Variants in AP2B1 observed in about 807,000 individuals in gnomAD.
AP2B1 encodes the protein AP-2 complex subunit beta.
A neutral mutation model predicts 102.0 loss-of-function variants in AP2B1; 23 were observed. The ratio of observed to expected loss-of-function variants is 0.23; its 90% CI spans 0.16 to 0.32. The LOEUF is 0.32. Ranked by LOEUF, AP2B1 falls within the 10% of genes least tolerant of loss-of-function variation. The pLI is 1.00. For synonymous variants in AP2B1, 381 were observed against 421.2 expected, an observed-to-expected ratio of 0.90 and a Z score of 1.17; for missense variants, 541 against 1,157.4, an observed-to-expected ratio of 0.47 and a Z score of 7.73.
At chr17:35,590,682 A>G (rs920075886) in intron 1 of AP2B1, among the ~76,000 whole-genome samples, 14 of 152,192 alleles carry the variant, frequency 9.2e-5, no homozygotes, top group African/African-American at 2.9e-4. Flanking sequence ...TTCTAAAGAT[A>G]CTTGACCCTC....
chr17:35,686,685 C>G (rs941241479), intron 18 of AP2B1, among the ~76,000 whole-genome samples: 7 of 152,180 alleles, frequency 4.6e-5, no homozygotes, highest in African/African-American at 1.4e-4. Context: ...GAAAAACTGG[C>G]CGGGCATGGT....
At chr17:35,637,047 G>C (rs554804026) in intron 10 of AP2B1, among the ~76,000 whole-genome samples, 4 of 152,302 alleles carry the variant, frequency 2.6e-5, no homozygotes, top group African/African-American at 9.6e-5. Context: ...AAGTTTTTCA[G>C]ATTGAGGGCC....
At chr17:35,644,264 A>T (rs2074863116) in intron 12 of AP2B1, among the ~76,000 whole-genome samples, 1 of 152,148 alleles carries the variant, frequency 6.6e-6, no homozygotes, top group Non-Finnish European at 1.5e-5. Flanking sequence ...CTTGGAGAAT[A>T]CCTATTCCCT....
At chr17:35,638,536 C>T (rs184014209) in intron 10 of AP2B1, among the ~76,000 whole-genome samples, 1 of 152,220 alleles carries the variant, frequency 6.6e-6, no homozygotes, top group African/African-American at 2.4e-5. Context: ...CGCCTGTAAT[C>T]CCAGCACTTT....
chr17:35,712,273 G>A (rs1247824093), intron 20 of AP2B1, among the ~76,000 whole-genome samples: 1 of 152,166 alleles, frequency 6.6e-6, no homozygotes, highest in South Asian at 2.1e-4. Context: ...TCACCTTTGT[G>A]GGAGTTGGTT....
chr17:35,660,582 A>G (rs1021555809), intron 14 of AP2B1, among the ~76,000 whole-genome samples: 1 of 149,050 alleles, frequency 6.7e-6, no homozygotes, highest in Non-Finnish European at 1.5e-5. Flanking sequence ...TCCCAGGTTC[A>G]AGCGATTCTC....
chr17:35,605,630 C>CTA, intron 3 of AP2B1, 75 bp from the exon 4 acceptor site: 3 of 984,024 alleles, frequency 3.0e-6, no homozygotes, highest in Non-Finnish European at 4.7e-6. Flanking sequence ...TTAGTTAAGG[C>CTA]TATTCATGTT....
intron 13 of AP2B1, 84 bp from the exon 14 acceptor site, chr17:35,657,515 A>T: frequency 9.1e-7 from 1 of 1,098,738 alleles, no homozygotes; most frequent in Non-Finnish European, 1.3e-6. Flanking sequence ...ATATATAGCT[A>T]TATGTTTCAC....
rs377438224 is a variant in AP2B1 at position 35,627,663 on chromosome 17, G to A, written c.1092G>A (p.Glu364=). ...VLAELKEYAT[E]VDVDFVRKAV... ...CAGAACTGAAAGAATATGCTACAGA[G>A]GTGGATGTTGACTTTGTTCGAAAAG... is the stretch of plus-strand genomic sequence containing the variant. Residue 364 remains glutamate, a synonymous_variant, in exon 9 of 22, where the codon GAG becomes GAA. Transcript: ENST00000610402. The A allele has an allele frequency of 1.4e-5, 23 of 1,614,032 alleles. No individual in the cohort carries two copies. Among genetic ancestry groups the A allele is most frequent in the Non-Finnish European group, 1.9e-5 (22 of 1,180,016 alleles).
At chr17:35,631,041 A>C (rs2074447365) in intron 9 of AP2B1, among the ~76,000 whole-genome samples, 1 of 152,200 alleles carries the variant, frequency 6.6e-6, no homozygotes, top group African/African-American at 2.4e-5. Context: ...AACTTTCTGT[A>C]TAGCTTTGGG....
At chr17:35,654,649 A>G (rs2075172836) in intron 13 of AP2B1, among the ~76,000 whole-genome samples, 1 of 152,220 alleles carries the variant, frequency 6.6e-6, no homozygotes, top group South Asian at 2.1e-4. Flanking sequence ...GGACATAATT[A>G]CTTAATATCA....
chr17:35,606,226 T>G lies in AP2B1; in HGVS notation c.279+386T>G, dbSNP rs72828054. Among the ~76,000 whole-genome samples the G allele has an allele frequency of 4.7e-3, 713 of 152,052 alleles. 7 individuals are homozygous for G. The highest frequency in any genetic ancestry group is 7.6e-3 in the Admixed American group (115 of 15,204). ...CTACTTTCATTTCATTTAATACGTC[T>G]TACATCATTTGATTAATTTTTTTTT... On this transcript the variant is annotated intron_variant, in intron 4 of 21. Coordinates refer to ENST00000610402, the MANE Select transcript of AP2B1 (RefSeq NM_001030006.2).
intron 11 of AP2B1, among the ~76,000 whole-genome samples, chr17:35,640,759 A>G (rs374756066): frequency 1.3e-5 from 2 of 152,322 alleles, no homozygotes; most frequent in East Asian, 3.9e-4. Flanking sequence ...CCACACATTG[A>G]CAACCACTGG....
At chr17:35,684,429 A>G (rs1007042052) in intron 18 of AP2B1, among the ~76,000 whole-genome samples, 7 of 152,370 alleles carry the variant, frequency 4.6e-5, no homozygotes, top group Middle Eastern at 3.4e-3. Flanking sequence ...TGAGACGTCA[A>G]TAGTAAAATA....
chr17:35,596,801 C>G, intron 2 of AP2B1: 1 of 622,190 alleles, frequency 1.6e-6, no homozygotes, highest in East Asian at 3.4e-5. Context: ...GCTGCATGGG[C>G]CCCCGCAGCG....
intron 18 of AP2B1, among the ~76,000 whole-genome samples, chr17:35,705,742 A>T (rs761404009): frequency 6.6e-6 from 1 of 152,052 alleles, no homozygotes; most frequent in Non-Finnish European, 1.5e-5. Context: ...GGCTGGTCTC[A>T]AACTCCTCAC....
At chr17:35,615,080 G>A (rs1267789836) in intron 5 of AP2B1, among the ~76,000 whole-genome samples, 1 of 152,130 alleles carries the variant, frequency 6.6e-6, no homozygotes, top group African/African-American at 2.4e-5. Flanking sequence ...CGACAACAAA[G>A]AATTATCCAG....
At chr17:35,691,489 C>T (rs1468070172) in intron 18 of AP2B1, among the ~76,000 whole-genome samples, 1 of 152,306 alleles carries the variant, frequency 6.6e-6, no homozygotes, top group South Asian at 2.1e-4. Context: ...CATTTGCTGA[C>T]GTTTCTTGAC....
In AP2B1 at chr17:35,598,262, A is replaced by C; in HGVS notation, c.70A>C (p.Asn24His). The change falls in exon 3 of 22, where the codon AAT (asparagine) becomes CAT (histidine). Residue 24 changes from asparagine (N) to histidine (H), a missense_variant. Coordinates refer to ENST00000610402, the MANE Select transcript of AP2B1 (RefSeq NM_001030006.2). ...ATTTGAACTAAAAGCTGAACTCAAC[A>C]ATGAAAAGAAAGAAAAGAGAAAGGA... ...EIFELKAELN[N>H]EKKEKRKEAV... The C allele has an allele frequency of 1.2e-6, 2 of 1,613,760 alleles. No homozygotes were observed. Among genetic ancestry groups the C allele is most frequent in the Non-Finnish European group, 1.7e-6 (2 of 1,179,770 alleles).
Sources: allele counts gnomAD v4.1 joint callset (sites outside exome capture counted in the v4.1 genomes callset), GRCh38; gene constraint gnomAD v4.1.1; transcripts MANE v1.5; gene names NCBI Gene and HGNC (gene_info 2026-07-23, HGNC 2026-07-21).